Variants in AP1AR observed in about 807,000 individuals in gnomAD.
AP1AR encodes the protein AP-1 complex-associated regulatory protein.
A neutral mutation model predicts 46.3 loss-of-function variants in AP1AR; 29 were observed. The observed-to-expected ratio is 0.63, with a 90% confidence interval of 0.47 to 0.85. The LOEUF (loss-of-function observed/expected upper bound fraction) is 0.85, where lower values mean the gene tolerates loss of function less well. Among genes scored for constraint, AP1AR ranks in the 40% least tolerant of loss-of-function variants. The probability of loss-of-function intolerance (pLI) is 0.00; values close to 1 mark genes in which losing one functional copy is unlikely to be tolerated. For missense variants in AP1AR, 357 were observed against 356.3 expected (o/e 1.00, Z -0.02); for synonymous variants, 122 against 122.9 (o/e 0.99, Z 0.05).
intron 1 of AP1AR, among the ~76,000 whole-genome samples, chr4:112,246,539 G>A (rs535893555): frequency 6.6e-6 from 1 of 152,246 alleles, no homozygotes; most frequent in African/African-American, 2.4e-5. Context: ...TTTTGTTTGG[G>A]CAACCACATT....
intron 1 of AP1AR, among the ~76,000 whole-genome samples, chr4:112,247,356 A>G (rs937047523): frequency 1.3e-5 from 2 of 152,222 alleles, no homozygotes; most frequent in African/African-American, 4.8e-5. Flanking sequence ...AGGGTTAAAT[A>G]TAGGAATACT....
intron 1 of AP1AR, among the ~76,000 whole-genome samples, chr4:112,243,262 T>C (rs567647572): frequency 6.6e-6 from 1 of 152,368 alleles, no homozygotes; most frequent in East Asian, 1.9e-4. Context: ...CATTTAAGTC[T>C]TATGTCTTGG....
At chr4:112,252,687 CTT>C (rs1553925157) in intron 1 of AP1AR, among the ~76,000 whole-genome samples, 1 of 152,126 alleles carries the variant, frequency 6.6e-6, no homozygotes, top group Non-Finnish European at 1.5e-5. Context: ...TTGTTTTTCT[CTT>C]TTATTTGTGA....
intron 8 of AP1AR, 91 bp from the exon 9 acceptor site, chr4:112,266,497 A>G: frequency 1.7e-6 from 2 of 1,194,506 alleles, no homozygotes; most frequent in Non-Finnish European, 2.4e-6. Context: ...TAATAATAAT[A>G]TTTAGAGACA....
At chr4:112,245,846 T>C (rs1725705496) in intron 1 of AP1AR, among the ~76,000 whole-genome samples, 1 of 152,200 alleles carries the variant, frequency 6.6e-6, no homozygotes, top group African/African-American at 2.4e-5. Flanking sequence ...TTTTTTCAAA[T>C]TGAAGAAAAT....
intron 7 of AP1AR, 147 bp from the exon 8 acceptor site, chr4:112,265,587 C>A: frequency 3.6e-6 from 2 of 555,420 alleles, no homozygotes; most frequent in Admixed American, 3.8e-5. Context: ...AAATTAAGAA[C>A]TATTTTCATT....
chr4:112,250,472 T>C (rs1012133783), intron 1 of AP1AR, among the ~76,000 whole-genome samples: 1 of 152,180 alleles, frequency 6.6e-6, no homozygotes, highest in Admixed American at 6.5e-5. Context: ...TGGCTGGAAG[T>C]TGGCAAAATG....
chr4:112,242,647 AACTC>A (rs1725556081), intron 1 of AP1AR, among the ~76,000 whole-genome samples: 2 of 152,144 alleles, frequency 1.3e-5, no homozygotes, highest in East Asian at 3.8e-4. Context: ...CTTTCATGGG[AACTC>A]ACTCATAACC....
In AP1AR at chr4:112,263,006, A is replaced by C. The variant is rs1353264452; in HGVS notation, c.301A>C (p.Lys101Gln). ...TGTACAGTTAGCCTTACAAGAAGAG[A>C]AGTTAAGACTAGAAGAAGAAGCTTT... ...IQKELALQEE[K>Q]LRLEEEALYA... The change falls in exon 6 of 10, where the codon AAG (lysine) becomes CAG (glutamine). Residue 101 changes from lysine (K) to glutamine (Q), a missense_variant. By Grantham distance (53) the Lys-to-Gln change is moderately conservative (BLOSUM62 1). Around this residue, in one of 2 missense-constraint regions of AP1AR, gnomAD observed 269 missense variants for 223.6 expected, o/e 1.20. Transcript: ENST00000274000. 1.2e-6 allele frequency: 2 copies of C among 1,613,724 alleles called. No individual in the cohort carries two copies. Among genetic ancestry groups the C allele is most frequent in the South Asian group, 1.1e-5 (1 of 91,030 alleles).
At chr4:112,235,943 T>A (rs1725220906) in intron 1 of AP1AR, among the ~76,000 whole-genome samples, 1 of 152,146 alleles carries the variant, frequency 6.6e-6, no homozygotes, top group Non-Finnish European at 1.5e-5. Flanking sequence ...GTTTCTCTCC[T>A]AGCTATTCTT....
chr4:112,234,416 A>C (rs1725154252), intron 1 of AP1AR, among the ~76,000 whole-genome samples: 1 of 152,178 alleles, frequency 6.6e-6, no homozygotes, highest in South Asian at 2.1e-4. Context: ...AGCTCTTTGA[A>C]CAAGTCCTGT....
At chr4:112,263,204 G>A in intron 6 of AP1AR, 118 bp downstream of exon 6, 1 of 715,966 alleles carries the variant, frequency 1.4e-6, no homozygotes, top group South Asian at 2.1e-5. Context: ...AACAACGAAT[G>A]TGTTTACCCA....
intron 1 of AP1AR, among the ~76,000 whole-genome samples, chr4:112,240,382 A>G (rs767583277): frequency 2.6e-5 from 4 of 152,152 alleles, no homozygotes; most frequent in Non-Finnish European, 5.9e-5. Context: ...TCATGGAACC[A>G]TCTGCTTTTC....
At chr4:112,255,170 A>G (rs1327149230) in intron 3 of AP1AR, among the ~76,000 whole-genome samples, 1 of 152,086 alleles carries the variant, frequency 6.6e-6, no homozygotes, top group Non-Finnish European at 1.5e-5. Flanking sequence ...CATGTTAGCC[A>G]GGATGGTCTC....
At position 112,270,483 on chromosome 4, in the gene AP1AR, A is replaced by G. The variant is rs1726906770; in HGVS notation, c.*2074A>G. ...TGGGGGCCAATTGACTACTTCTCAT[A>G]GGTCAGGACAATCCTCTCTGAGGAG... On this transcript the variant is annotated 3_prime_UTR_variant, in exon 10 of 10. Transcript: ENST00000274000. Among the ~76,000 whole-genome samples the G allele has an allele frequency of 6.6e-6, 1 of 152,228 alleles. No individual in the cohort carries two copies. The highest frequency in any genetic ancestry group is 2.1e-4 in the South Asian group (1 of 4,838).
At chr4:112,244,831 T>C (rs1187375659) in intron 1 of AP1AR, among the ~76,000 whole-genome samples, 1 of 152,192 alleles carries the variant, frequency 6.6e-6, no homozygotes. Flanking sequence ...AGAGTTGTTT[T>C]GTTGTCATTA....
chr4:112,240,366 A>T (rs1725438628), intron 1 of AP1AR, among the ~76,000 whole-genome samples: 1 of 152,194 alleles, frequency 6.6e-6, no homozygotes, highest in Non-Finnish European at 1.5e-5. Context: ...GTAAGTCTGC[A>T]CATCATCATG....
chr4:112,243,803 A>G (rs1725609491), intron 1 of AP1AR, among the ~76,000 whole-genome samples: 1 of 152,166 alleles, frequency 6.6e-6, no homozygotes, highest in Non-Finnish European at 1.5e-5. Flanking sequence ...CTTTAGGTGG[A>G]TATACCTAGG....
At position 112,272,753 on chromosome 4, in the gene AP1AR, A is replaced by G. The variant is rs1727007589; in HGVS notation, c.*4344A>G. Among the ~76,000 whole-genome samples, 1 of 152,210 alleles carries G rather than the reference A, an allele frequency of 6.6e-6. No individual in the cohort carries two copies. On this transcript the variant is annotated 3_prime_UTR_variant, in exon 10 of 10. Transcript: ENST00000274000. Reference sequence around the variant, plus strand: ...GCTGAATTCTTTCTCCCAAGAAGACAAAGATCAAGGACTATGGAGCGTGCC... The same window carrying G: ...GCTGAATTCTTTCTCCCAAGAAGACGAAGATCAAGGACTATGGAGCGTGCC...
Sources: gnomAD v4.1 joint callset for allele counts (sites outside exome capture counted in the v4.1 genomes callset) on GRCh38, gnomAD v4.1.1 for gene constraint, gnomAD v4.1.1 regional missense constraint, MANE v1.5 for transcripts, NCBI Gene and HGNC (gene_info 2026-07-23, HGNC 2026-07-21) for gene names.